CCDC93: variants seen among roughly 807,000 people sequenced by gnomAD.
CCDC93 encodes CCC complex scaffolding subunit CCDC93, also known as coiled-coil domain-containing protein 93.
A neutral mutation model predicts 108.2 loss-of-function variants in CCDC93; 61 were observed. That is an observed-to-expected ratio of 0.56 (90% CI 0.46 to 0.70). CCDC93 has a LOEUF of 0.70. Among genes scored for constraint, CCDC93 ranks in the 30% least tolerant of loss-of-function variants. CCDC93 has a pLI of 0.00. For missense variants in CCDC93, 685 were observed against 764.2 expected, an observed-to-expected ratio of 0.90 and a Z score of 1.22; for synonymous variants, 276 against 260.4, an observed-to-expected ratio of 1.06 and a Z score of -0.58.
At chr2:117,921,573 G>A (rs1487558771) in intron 23 of CCDC93, 2 of 152,162 alleles carry the variant, frequency 1.3e-5, no homozygotes, top group Admixed American at 6.5e-5. Context: ...CAGGGGCTGT[G>A]TTTTCCTGGA....
intron 13 of CCDC93, chr2:117,950,442 A>T (rs1473846214): frequency 1.0e-6 from 1 of 985,392 alleles, no homozygotes; most frequent in Non-Finnish European, 1.2e-6. Flanking sequence ...GGCCTTTCTG[A>T]AGCAGTCATG....
chr2:117,947,222 T>C (rs1324317060), intron 15 of CCDC93, among the ~76,000 whole-genome samples: 1 of 152,230 alleles, frequency 6.6e-6, no homozygotes, highest in South Asian at 2.1e-4. Flanking sequence ...CTTATTCAGC[T>C]GTCCATCTTC....
rs1489574469 is a variant in CCDC93 at position 117,920,089 on chromosome 2, A to C, written c.*254T>G. ...TACTGGAGACATAAAAGTTGAATCA[A>C]CAGAGAACAAGTACTCCCTATATTC... On this transcript the variant is annotated 3_prime_UTR_variant, in exon 24 of 24. Transcript: ENST00000376300. The C allele has an allele frequency of 2.7e-6, 1 of 363,892 alleles. No homozygotes were observed. Among genetic ancestry groups the C allele is most frequent in the African/African-American group, 2.0e-5 (1 of 48,974 alleles). 22.5% of individuals were successfully genotyped at this position (363,892 alleles called of 1,614,324 possible). A position where few individuals can be genotyped will look rare whatever the true frequency, so the allele number is the denominator to read the frequency against.
At chr2:117,958,616 G>A (rs1679292771) in intron 11 of CCDC93, 135 bp from the exon 12 acceptor site, 1 of 653,050 alleles carries the variant, frequency 1.5e-6, no homozygotes, top group Non-Finnish European at 2.8e-6. Context: ...ACAGAGGCCT[G>A]TTCAAAACCT....
In CCDC93 at chr2:117,949,283, T is replaced by C. The variant is rs1259006060; in HGVS notation, c.1142+39A>G. The C allele has an allele frequency of 2.1e-6, 3 of 1,414,804 alleles. No individual in the cohort carries two copies. In the Admixed American group the frequency reaches 5.1e-5, roughly 24 times the overall value. The allele number at this position is 1,414,804 out of a possible 1,614,324, so 87.6% of individuals were successfully genotyped here. A position where few individuals can be genotyped will look rare whatever the true frequency, so the allele number is the denominator to read the frequency against. On this transcript the variant is annotated intron_variant, in intron 14 of 23. Transcript: ENST00000376300. ...CCAACAAGTATCAGCAAAGTCACTT[T>C]CATCAAAGCAAAAATAAGCACATGC... is the stretch of plus-strand genomic sequence containing the variant.
At chr2:117,930,189 T>C (rs942911865) in intron 23 of CCDC93, among the ~76,000 whole-genome samples, 1 of 152,162 alleles carries the variant, frequency 6.6e-6, no homozygotes, top group Admixed American at 6.5e-5. Context: ...ATTATGAGCA[T>C]GGAAAGACTA....
intron 15 of CCDC93, among the ~76,000 whole-genome samples, chr2:117,947,410 C>T (rs1482028473): frequency 2.6e-5 from 4 of 152,186 alleles, no homozygotes; most frequent in African/African-American, 7.2e-5. Flanking sequence ...GAACACGCAT[C>T]ACCCCCACGA....
At chr2:117,942,298 G>A (rs1678725767) in intron 18 of CCDC93, among the ~76,000 whole-genome samples, 1 of 151,728 alleles carries the variant, frequency 6.6e-6, no homozygotes. Flanking sequence ...ATACATTCAT[G>A]TCCTCACTCC....
intron 17 of CCDC93, 103 bp downstream of exon 17, chr2:117,945,426 A>G (rs777150758): frequency 1.6e-4 from 143 of 915,960 alleles, no homozygotes; most frequent in Non-Finnish European, 2.4e-4. Context: ...GGAGTTGGCC[A>G]TAGAGCACAT....
chr2:117,985,774 T>A (rs1352969554), intron 7 of CCDC93, among the ~76,000 whole-genome samples, 195 bp downstream of exon 7: 1 of 152,148 alleles, frequency 6.6e-6, no homozygotes, highest in Non-Finnish European at 1.5e-5. Flanking sequence ...CAGGTGCACA[T>A]TTCCAGAGAG....
intron 5 of CCDC93, 140 bp downstream of exon 5, chr2:117,996,124 C>G (rs1187480784): frequency 1.9e-6 from 1 of 527,470 alleles, no homozygotes; most frequent in Non-Finnish European, 3.4e-6. Flanking sequence ...CACTCAGTGG[C>G]TATGTAAAGA....
chr2:117,930,154 A>G (rs1188903916), intron 23 of CCDC93, among the ~76,000 whole-genome samples: 4 of 152,240 alleles, frequency 2.6e-5, no homozygotes, highest in African/African-American at 4.8e-5. Context: ...TGAGGAAGGA[A>G]GAAAAGTCTT....
At chr2:117,973,661 G>T (rs1679837941) in intron 11 of CCDC93, among the ~76,000 whole-genome samples, 1 of 152,176 alleles carries the variant, frequency 6.6e-6, no homozygotes, top group African/African-American at 2.4e-5. Flanking sequence ...TGTGATAACT[G>T]CTCTGTGAGA....
intron 17 of CCDC93, chr2:117,944,896 T>G (rs1678818802): frequency 2.2e-6 from 1 of 451,354 alleles, no homozygotes; most frequent in Non-Finnish European, 4.5e-6. Context: ...CTTTCCTATC[T>G]CTTTCTTCTG....
intron 18 of CCDC93, among the ~76,000 whole-genome samples, chr2:117,943,030 T>A (rs1469594227): frequency 1.3e-5 from 2 of 152,178 alleles, no homozygotes; most frequent in Non-Finnish European, 2.9e-5. Context: ...GATACTAAGT[T>A]CCATCAGCTA....
chr2:117,962,370 G>A (rs754822306), intron 11 of CCDC93, among the ~76,000 whole-genome samples: 13 of 152,182 alleles, frequency 8.5e-5, no homozygotes, highest in Non-Finnish European at 1.3e-4. Context: ...TAGGCTGGGC[G>A]CAGTGGCTCG....
Position 117,945,562 on chromosome 2 carries a change from C to T in CCDC93, c.1317G>A (p.Pro439=), listed in dbSNP as rs759309051. Reference sequence around the variant, plus strand: ...TCATTGCAGAGGTCAAGGTACCAGGCGGCTCTCCACTGGAGAGGGTCTGAA... The same window carrying T: ...TCATTGCAGAGGTCAAGGTACCAGGTGGCTCTCCACTGGAGAGGGTCTGAA... ...GDEKTLSSGE[P]PGTLTSAMTH... The change falls in exon 17 of 24, where the codon CCG becomes CCA. Residue 439 remains proline, a synonymous_variant. Coordinates refer to ENST00000376300, the MANE Select transcript of CCDC93 (RefSeq NM_019044.5). The T allele has an allele frequency of 8.1e-6, 13 of 1,613,720 alleles. No homozygotes were observed. The highest frequency in any genetic ancestry group is 1.6e-4 in the Middle Eastern group (1 of 6,082).
chr2:117,932,031 G>C (rs1678352437), intron 22 of CCDC93, among the ~76,000 whole-genome samples: 1 of 152,168 alleles, frequency 6.6e-6, no homozygotes, highest in African/African-American at 2.4e-5. Context: ...GGTCCTGTGA[G>C]GAAAATGACA....
intron 23 of CCDC93, among the ~76,000 whole-genome samples, chr2:117,925,456 GGCAGGGGTT>G (rs1413001770): frequency 4.6e-5 from 7 of 152,028 alleles, no homozygotes; most frequent in Non-Finnish European, 8.8e-5. Context: ...AACAAAAAAA[GGCAGGGGTT>G]GCAATCCTAG....
Sources: allele counts gnomAD v4.1 joint callset (sites outside exome capture counted in the v4.1 genomes callset), GRCh38; gene constraint gnomAD v4.1.1; transcripts MANE v1.5; gene names NCBI Gene and HGNC (gene_info 2026-07-23, HGNC 2026-07-21).